Variants in MEF2A observed in about 807,000 individuals in gnomAD.
MEF2A encodes myocyte-specific enhancer factor 2A.
Under a neutral mutation model 55.8 loss-of-function variants are expected in MEF2A, and 28 were observed. The observed-to-expected ratio is 0.50, with a 90% confidence interval of 0.37 to 0.69. The LOEUF (loss-of-function observed/expected upper bound fraction) is 0.69. Ranked by LOEUF, MEF2A falls within the 30% of genes least tolerant of loss-of-function variation. MEF2A has a pLI of 0.00. For missense variants in MEF2A, 528 were observed against 626.2 expected (o/e 0.84, Z 1.67); for synonymous variants, 239 against 227.1 (o/e 1.05, Z -0.47).
At chr15:99,606,038 A>G (rs1382193639) in intron 2 of MEF2A, among the ~76,000 whole-genome samples, 2 of 152,192 alleles carry the variant, frequency 1.3e-5, no homozygotes, top group East Asian at 3.9e-4. Context: ...ATAAATCTAC[A>G]GTCACTGATT....
chr15:99,628,430 A>T (rs1308801912), intron 2 of MEF2A, among the ~76,000 whole-genome samples: 1 of 152,162 alleles, frequency 6.6e-6, no homozygotes, highest in Non-Finnish European at 1.5e-5. Context: ...GTTTAATCCT[A>T]TTTAATGTAA....
chr15:99,679,458 A>G (rs929470272), intron 7 of MEF2A, among the ~76,000 whole-genome samples: 6 of 152,214 alleles, frequency 3.9e-5, no homozygotes, highest in South Asian at 4.1e-4. Flanking sequence ...AAGAAGATAG[A>G]TACATACTCA....
At chr15:99,698,511 G>T (rs781119876) in intron 8 of MEF2A, among the ~76,000 whole-genome samples, 17 of 152,046 alleles carry the variant, frequency 1.1e-4, no homozygotes, top group Non-Finnish European at 2.1e-4. Context: ...AAAACGCAAC[G>T]GCTGGGCGCG....
At chr15:99,582,489 T>G (rs1303729824) in intron 1 of MEF2A, among the ~76,000 whole-genome samples, 2 of 152,156 alleles carry the variant, frequency 1.3e-5, no homozygotes, top group African/African-American at 4.8e-5. Context: ...ATTTTTCATA[T>G]TTGACCTTAT....
chr15:99,624,729 A>T (rs1389392830), intron 2 of MEF2A, among the ~76,000 whole-genome samples: 2 of 152,202 alleles, frequency 1.3e-5, no homozygotes, highest in Admixed American at 6.5e-5. Context: ...TTTAGTAGAG[A>T]TTGCATTGAG....
At chr15:99,580,776 G>A (rs975032752) in intron 1 of MEF2A, among the ~76,000 whole-genome samples, 1 of 152,124 alleles carries the variant, frequency 6.6e-6, no homozygotes, top group Non-Finnish European at 1.5e-5. Flanking sequence ...TTCTGAAAAG[G>A]TAACTTCTAA....
At chr15:99,658,915 A>G (rs1290533093) in intron 4 of MEF2A, among the ~76,000 whole-genome samples, 4 of 152,184 alleles carry the variant, frequency 2.6e-5, no homozygotes. Flanking sequence ...AGCAGTCTTC[A>G]TCGAATGACC....
intron 2 of MEF2A, among the ~76,000 whole-genome samples, chr15:99,615,016 AG>A (rs2039961198): frequency 6.6e-6 from 1 of 152,218 alleles, no homozygotes; most frequent in African/African-American, 2.4e-5. Context: ...GCACGTTAAA[AG>A]GTTGCTGTAA....
intron 8 of MEF2A, among the ~76,000 whole-genome samples, chr15:99,695,150 T>C (rs1272824371): frequency 6.7e-6 from 1 of 150,220 alleles, no homozygotes; most frequent in Non-Finnish European, 1.5e-5. Context: ...CTTTCCCTCT[T>C]TTTAATTGCT....
chr15:99,667,870 A>T (rs1175943935), intron 4 of MEF2A, among the ~76,000 whole-genome samples: 2 of 152,208 alleles, frequency 1.3e-5, no homozygotes, highest in Admixed American at 6.5e-5. Flanking sequence ...AGAATCAGAT[A>T]ACTTGGCATG....
At chr15:99,579,923 T>G (rs1026834675) in intron 1 of MEF2A, among the ~76,000 whole-genome samples, 10 of 152,150 alleles carry the variant, frequency 6.6e-5, no homozygotes, top group African/African-American at 2.4e-4. Flanking sequence ...CAGTTTCCTC[T>G]CCCTTTTGCC....
At chr15:99,608,118 A>G (rs1031404908) in intron 2 of MEF2A, among the ~76,000 whole-genome samples, 1 of 152,222 alleles carries the variant, frequency 6.6e-6, no homozygotes, top group Non-Finnish European at 1.5e-5. Flanking sequence ...TGATCAACTA[A>G]TGGTTTATGT....
intron 4 of MEF2A, among the ~76,000 whole-genome samples, chr15:99,656,586 G>A (rs1040751089): frequency 5.3e-5 from 8 of 152,100 alleles, no homozygotes; most frequent in Non-Finnish European, 1.2e-4. Flanking sequence ...GATTTCCAGT[G>A]TGATAACTTC....
At chr15:99,588,204 C>G (rs1968014556) in intron 1 of MEF2A, among the ~76,000 whole-genome samples, 1 of 152,182 alleles carries the variant, frequency 6.6e-6, no homozygotes, top group East Asian at 1.9e-4. Flanking sequence ...GCAGCCTCGA[C>G]TGCCTGGGCT....
chr15:99,713,194 G>A lies in MEF2A; in HGVS notation c.*423G>A, dbSNP rs2058845525. On this transcript the variant is annotated 3_prime_UTR_variant, in exon 12 of 12. Coordinates refer to ENST00000557942, the MANE Select transcript of MEF2A (RefSeq NM_001319206.4). ...TGACTGTAGTTACTTAAGAGAAAAT[G>A]CTTTGTAGAACAGAGCAGTAGAAAA... 2.5e-6 allele frequency: 1 copy of A among 407,264 alleles called. No homozygotes were observed. The highest frequency in any genetic ancestry group is 4.0e-5 in the Admixed American group (1 of 25,040). 25.2% of individuals were successfully genotyped at this position (407,264 alleles called of 1,614,324 possible). A position where few individuals can be genotyped will look rare whatever the true frequency, so the allele number is the denominator to read the frequency against.
intron 2 of MEF2A, among the ~76,000 whole-genome samples, chr15:99,626,431 A>G (rs965939450): frequency 6.8e-6 from 1 of 147,224 alleles, no homozygotes; most frequent in African/African-American, 2.5e-5. Flanking sequence ...GGCTTCGTTG[A>G]TTTTTTTTTT....
intron 4 of MEF2A, among the ~76,000 whole-genome samples, chr15:99,658,124 A>G (rs1450473993): frequency 6.6e-6 from 1 of 152,138 alleles, no homozygotes; most frequent in African/African-American, 2.4e-5. Context: ...TAGCTCTTAT[A>G]TATTTCAGAT....
intron 1 of MEF2A, among the ~76,000 whole-genome samples, chr15:99,575,566 GTTTTACCTGC>G (rs1165323471): frequency 6.6e-6 from 1 of 152,110 alleles, no homozygotes; most frequent in African/African-American, 2.4e-5. Flanking sequence ...CTTAGTTAAG[GTTTTACCTGC>G]TAGTTTTCTC....
rs139702199 is a variant in MEF2A at position 99,631,008 on chromosome 15, T to G, written c.-142-1970T>G. ...TGGTCTCACCTATTTCTTCCAGATC[T>G]CCGCCCTGCAGATTCTCTAGTTTTG... On this transcript the variant is annotated intron_variant, in intron 2 of 11. Coordinates refer to ENST00000557942, the MANE Select transcript of MEF2A (RefSeq NM_001319206.4). Among the ~76,000 whole-genome samples the G allele has an allele frequency of 4.3e-3, 654 of 152,328 alleles. 9 individuals are homozygous for G. Among genetic ancestry groups the G allele is most frequent in the African/African-American group, 0.015 (604 of 41,572 alleles).
Sources: gnomAD v4.1 joint callset for allele counts (sites outside exome capture counted in the v4.1 genomes callset) on GRCh38, gnomAD v4.1.1 for gene constraint, MANE v1.5 for transcripts, NCBI Gene and HGNC (gene_info 2026-07-23, HGNC 2026-07-21) for gene names.